CRACR2A: variants seen among roughly 807,000 people sequenced by gnomAD.
CRACR2A encodes calcium release activated channel regulator 2A, also known as EF-hand calcium-binding domain-containing protein 4B.
Under a neutral mutation model 90.5 loss-of-function variants are expected in CRACR2A, and 79 were observed. The ratio of observed to expected loss-of-function variants is 0.87; its 90% CI spans 0.73 to 1.05. The LOEUF (loss-of-function observed/expected upper bound fraction) is 1.05. Among genes scored for constraint, CRACR2A ranks in the 50% least tolerant of loss-of-function variants. CRACR2A has a pLI of 0.00. For missense variants in CRACR2A, 823 were observed against 897.2 expected (o/e 0.92, Z 1.06); for synonymous variants, 338 against 356.7 (o/e 0.95, Z 0.59).
chr12:3,629,848 AGGG>A (rs56031844), intron 15 of CRACR2A, among the ~76,000 whole-genome samples: 8,909 of 89,984 alleles, frequency 0.099, 960 homozygotes, highest in African/African-American at 0.26. Context: ...GGAAAAGACA[AGGG>A]GGGGGGGGGA....
chr12:3,751,352 A>G (rs1388393741), intron 1 of CRACR2A, among the ~76,000 whole-genome samples: 1 of 152,032 alleles, frequency 6.6e-6, no homozygotes, highest in Non-Finnish European at 1.5e-5. Context: ...GCTTCTTCCC[A>G]GGTTCTCTTC....
intron 4 of CRACR2A, among the ~76,000 whole-genome samples, chr12:3,689,309 G>C (rs901453382): frequency 1.2e-4 from 18 of 152,200 alleles, no homozygotes; most frequent in African/African-American, 3.9e-4. Flanking sequence ...TGACCATTCA[G>C]TATGATGTTG....
intron 4 of CRACR2A, among the ~76,000 whole-genome samples, chr12:3,684,977 G>T (rs1945526691): frequency 6.6e-6 from 1 of 152,232 alleles, no homozygotes. Flanking sequence ...TGAGAAAGCT[G>T]TTGATGAAAG....
chr12:3,720,416 G>GGAGAAAGAAAGA (rs1555119070), intron 2 of CRACR2A, among the ~76,000 whole-genome samples: 2 of 106,634 alleles, frequency 1.9e-5, no homozygotes, highest in African/African-American at 3.7e-5. Flanking sequence ...TGAGAGAGAG[G>GGAGAAAGAAAGA]AAGAAAGAAA....
intron 15 of CRACR2A, among the ~76,000 whole-genome samples, chr12:3,630,108 C>T (rs145817295): frequency 5.8e-4 from 89 of 152,208 alleles, no homozygotes; most frequent in South Asian, 2.5e-3. Flanking sequence ...CATCGGTAGA[C>T]GGCAGTGAGA....
intron 17 of CRACR2A, among the ~76,000 whole-genome samples, chr12:3,623,674 G>A (rs886614323): frequency 6.6e-6 from 1 of 152,172 alleles, no homozygotes; most frequent in South Asian, 2.1e-4. Flanking sequence ...CGAGTTGGCC[G>A]AAAGACTGCC....
At chr12:3,709,996 T>C (rs1006102556) in intron 3 of CRACR2A, among the ~76,000 whole-genome samples, 1 of 152,182 alleles carries the variant, frequency 6.6e-6, no homozygotes, top group Non-Finnish European at 1.5e-5. Context: ...TATGCACATA[T>C]TAAAGGCTCC....
rs188778451 is a variant in CRACR2A, at chr12:3,715,301, G to A, written c.-117-1984C>T. Among the ~76,000 whole-genome samples, 7 of 152,312 alleles carry A rather than the reference G, an allele frequency of 4.6e-5. No homozygotes were observed. The South Asian group carries it at 6.2e-4, about 14-fold the overall frequency. On this transcript the variant is annotated intron_variant, in intron 2 of 19. Transcript: ENST00000440314. ...AGTATGAGAGGGAGCTAATTTGGAC[G>A]GTGGCACTAGCCCTTCACTCAATAT...
intron 17 of CRACR2A, among the ~76,000 whole-genome samples, chr12:3,621,730 A>C (rs112661994): frequency 6.7e-6 from 1 of 150,050 alleles, no homozygotes; most frequent in African/African-American, 2.5e-5. Flanking sequence ...AAGGAGCAGA[A>C]AAAAAAAATT....
intron 3 of CRACR2A, among the ~76,000 whole-genome samples, chr12:3,703,140 G>C (rs1467419663): frequency 6.6e-6 from 1 of 152,182 alleles, no homozygotes; most frequent in Non-Finnish European, 1.5e-5. Flanking sequence ...TCAGGCTGGA[G>C]TGCAGTGGCG....
chr12:3,622,280 T>C (rs757557398), intron 17 of CRACR2A, among the ~76,000 whole-genome samples: 1 of 152,208 alleles, frequency 6.6e-6, no homozygotes, highest in African/African-American at 2.4e-5. Flanking sequence ...AGTGAAGTCA[T>C]CTTAGCTCCT....
intron 7 of CRACR2A, among the ~76,000 whole-genome samples, chr12:3,662,691 G>C (rs141902401): frequency 2.0e-4 from 30 of 152,326 alleles, no homozygotes; most frequent in Non-Finnish European, 2.8e-4. Context: ...CAATAAAAGT[G>C]CCTGTCAGAC....
chr12:3,742,439 A>G (rs1946542525), intron 1 of CRACR2A, among the ~76,000 whole-genome samples: 1 of 152,186 alleles, frequency 6.6e-6, no homozygotes, highest in African/African-American at 2.4e-5. Context: ...CTTCCAGAGC[A>G]CATGCAGAGG....
At chr12:3,635,504 CTTTTTA>C (rs1013366083) in intron 14 of CRACR2A, among the ~76,000 whole-genome samples, 10 of 151,752 alleles carry the variant, frequency 6.6e-5, no homozygotes, top group African/African-American at 2.4e-4. Context: ...CTATTCATAT[CTTTTTA>C]TTTTTATTTT....
At chr12:3,712,214 A>G (rs1435715145) in intron 3 of CRACR2A, among the ~76,000 whole-genome samples, 1 of 132,648 alleles carries the variant, frequency 7.5e-6, no homozygotes, top group Non-Finnish European at 1.6e-5. Flanking sequence ...TGACCTTGGG[A>G]AGTTGGCCAT....
chr12:3,718,813 G>C (rs1196010786), intron 2 of CRACR2A, among the ~76,000 whole-genome samples: 1 of 152,162 alleles, frequency 6.6e-6, no homozygotes, highest in Non-Finnish European at 1.5e-5. Flanking sequence ...GTGTCTCTTT[G>C]GTTCACAGCT....
chr12:3,710,666 G>C (rs1350492405), intron 3 of CRACR2A, among the ~76,000 whole-genome samples: 2 of 151,970 alleles, frequency 1.3e-5, no homozygotes, highest in African/African-American at 4.8e-5. Flanking sequence ...AGTGATGCGT[G>C]CCTGTAATCC....
chr12:3,734,629 A>ATGTGTGTGTGTGTGTGTATG (rs141431490), intron 1 of CRACR2A, among the ~76,000 whole-genome samples: 1 of 149,502 alleles, frequency 6.7e-6, no homozygotes, highest in Non-Finnish European at 1.5e-5. Context: ...AGGTGTGTGT[A>ATGTGTGTGTGTGTGTGTATG]TGTGTGTGTG....
At chr12:3,693,405 G>C (rs1945683842) in intron 4 of CRACR2A, among the ~76,000 whole-genome samples, 3 of 152,256 alleles carry the variant, frequency 2.0e-5, no homozygotes. Flanking sequence ...TGATGGACAA[G>C]ACCGCCCTGC....
Sources: gnomAD v4.1 joint callset for allele counts (sites outside exome capture counted in the v4.1 genomes callset) on GRCh38, gnomAD v4.1.1 for gene constraint, MANE v1.5 for transcripts, NCBI Gene and HGNC (gene_info 2026-07-23, HGNC 2026-07-21) for gene names.